Variants in WDR70 observed in about 807,000 individuals in gnomAD.
WDR70 encodes WD repeat domain 70.
A neutral mutation model predicts 88.6 loss-of-function variants in WDR70; 53 were observed. The observed-to-expected ratio is 0.60, with a 90% confidence interval of 0.48 to 0.75. The LOEUF (loss-of-function observed/expected upper bound fraction) is 0.75. WDR70 is among the 30% of genes least tolerant of loss of function. WDR70 has a pLI of 0.00. For missense variants in WDR70, 610 were observed against 823.2 expected, an observed-to-expected ratio of 0.74 and a Z score of 3.17; for synonymous variants, 280 against 270.0, an observed-to-expected ratio of 1.04 and a Z score of -0.36.
At chr5:37,383,028 A>T (rs1445002780) in intron 3 of WDR70, among the ~76,000 whole-genome samples, 1 of 152,000 alleles carries the variant, frequency 6.6e-6, no homozygotes, top group Non-Finnish European at 1.5e-5. Flanking sequence ...TAAAAAAAAT[A>T]AAATAAAATA....
At chr5:37,730,559 G>A (rs967406538) in intron 17 of WDR70, among the ~76,000 whole-genome samples, 4 of 151,976 alleles carry the variant, frequency 2.6e-5, no homozygotes, top group Admixed American at 6.6e-5. Context: ...ATAGTACTCC[G>A]TTGTACGAAT....
chr5:37,461,900 C>T (rs559320529), intron 7 of WDR70, among the ~76,000 whole-genome samples: 194 of 152,276 alleles, frequency 1.3e-3, no homozygotes, highest in African/African-American at 4.5e-3. Context: ...TTTGTGACAG[C>T]TGCTTCCATA....
chr5:37,609,274 G>T (rs1020704862), intron 10 of WDR70, among the ~76,000 whole-genome samples: 1 of 152,094 alleles, frequency 6.6e-6, no homozygotes, highest in African/African-American at 2.4e-5. Context: ...TAAAAACTAT[G>T]TTCATGTCTC....
intron 9 of WDR70, among the ~76,000 whole-genome samples, chr5:37,543,141 G>A (rs1248860410): frequency 2.0e-5 from 3 of 152,068 alleles, no homozygotes; most frequent in Non-Finnish European, 2.9e-5. Flanking sequence ...CTTATATCCC[G>A]CCAACCCCCA....
chr5:37,471,718 T>C (rs1228923083), intron 7 of WDR70, among the ~76,000 whole-genome samples: 1 of 151,986 alleles, frequency 6.6e-6, no homozygotes, highest in East Asian at 1.9e-4. Context: ...CTTCCAGAAG[T>C]TTAGATATAT....
At chr5:37,733,184 C>T (rs547172991) in intron 17 of WDR70, among the ~76,000 whole-genome samples, 1 of 152,170 alleles carries the variant, frequency 6.6e-6, no homozygotes, top group African/African-American at 2.4e-5. Flanking sequence ...TGCCTGATGC[C>T]TTGGTTCATA....
At chr5:37,618,989 T>C (rs1267148942) in intron 10 of WDR70, among the ~76,000 whole-genome samples, 1 of 152,220 alleles carries the variant, frequency 6.6e-6, no homozygotes, top group African/African-American at 2.4e-5. Context: ...AATGTAAGGC[T>C]TATTTTTTAC....
chr5:37,555,063 A>T (rs1191616054), intron 9 of WDR70, among the ~76,000 whole-genome samples: 1 of 152,146 alleles, frequency 6.6e-6, no homozygotes, highest in Non-Finnish European at 1.5e-5. Flanking sequence ...TGTGTTGTGT[A>T]CCTTACCTCT....
chr5:37,468,808 T>C (rs952977692), intron 7 of WDR70, among the ~76,000 whole-genome samples: 2 of 152,222 alleles, frequency 1.3e-5, no homozygotes, highest in African/African-American at 4.8e-5. Flanking sequence ...TTACACAATA[T>C]AGTACAATAA....
chr5:37,450,149 G>T (rs1460040562), intron 7 of WDR70, among the ~76,000 whole-genome samples: 2 of 152,120 alleles, frequency 1.3e-5, no homozygotes, highest in East Asian at 1.9e-4. Flanking sequence ...GTCTATCATT[G>T]ATGGGCATTT....
intron 8 of WDR70, chr5:37,506,241 A>T: frequency 1.1e-6 from 1 of 943,256 alleles, no homozygotes; most frequent in South Asian, 1.3e-5. Flanking sequence ...CAAAAATCGG[A>T]CAAATTCCTT....
At chr5:37,723,333 G>A (rs938687340) in intron 15 of WDR70, 8 of 190,732 alleles carry the variant, frequency 4.2e-5, no homozygotes, top group African/African-American at 1.9e-4. Context: ...AATCAGGGAA[G>A]TGTGGCGACC....
rs747648404 is a variant in WDR70 at position 37,605,154 on chromosome 5, T to C, written c.1008T>C (p.Thr336=). The part of the protein sequence containing the change: ...RTMQGKKVIP[T]TCTYSRDGNL... The stretch of plus-strand genomic sequence containing the variant: ...TGCAAGGCAAAAAAGTCATTCCCAC[T>C]ACGTGCACATATAGTAGAGATGGAA... Residue 336 remains threonine, a synonymous_variant, in exon 10 of 18, where the codon ACT becomes ACC. Transcript: ENST00000265107. The C allele has an allele frequency of 2.5e-6, 4 of 1,613,576 alleles. No homozygotes were observed. The African/African-American group carries it at 4.0e-5, about 16-fold the overall frequency.
intron 10 of WDR70, among the ~76,000 whole-genome samples, chr5:37,681,571 T>C (rs965333266): frequency 6.6e-6 from 1 of 152,214 alleles, no homozygotes; most frequent in Non-Finnish European, 1.5e-5. Flanking sequence ...GGGTTTGTCA[T>C]AGATGGCTCT....
intron 10 of WDR70, among the ~76,000 whole-genome samples, chr5:37,649,264 C>G (rs1745324973): frequency 2.0e-5 from 3 of 151,684 alleles, no homozygotes; most frequent in Non-Finnish European, 4.4e-5. Flanking sequence ...GCATCTAGAC[C>G]AAAGGATTTT....
At chr5:37,495,452 C>G (rs1740186512) in intron 8 of WDR70, among the ~76,000 whole-genome samples, 1 of 151,988 alleles carries the variant, frequency 6.6e-6, no homozygotes, top group South Asian at 2.1e-4. Flanking sequence ...ATCTCTCTCT[C>G]TCTCTCTCTC....
rs1236161552 is a variant in WDR70, at chr5:37,725,316, A to G, written c.1714+266A>G. ...CTTGGTCTCCAACTAGAGTTTTCCT[A>G]GCTGGCCTCAGGGGAACTCGGGGGC... On this transcript the variant is annotated intron_variant, in intron 16 of 17. Coordinates refer to ENST00000265107, the MANE Select transcript of WDR70 (RefSeq NM_018034.4). Among the ~76,000 whole-genome samples, 3 of 151,934 alleles carry G rather than the reference A, an allele frequency of 2.0e-5. No individual in the cohort carries two copies. The East Asian group carries it at 5.8e-4, about 29-fold the overall frequency.
intron 15 of WDR70, chr5:37,724,054 C>T (rs933948461): frequency 3.9e-5 from 6 of 152,038 alleles, no homozygotes; most frequent in African/African-American, 1.4e-4. Context: ...TCCCTTTAAC[C>T]TTTCCCTTCC....
rs1159424381 is a variant in WDR70 at position 37,534,536 on chromosome 5, C to T, written c.917+17946C>T. ...TTTTGTGACAAAAGTCTTGCTCTGT[C>T]GCCCAGGCTGGAGTGCAGAGGCACA... is the stretch of plus-strand genomic sequence containing the variant. On this transcript the variant is annotated intron_variant, in intron 9 of 17. Transcript: ENST00000265107. Among the ~76,000 whole-genome samples the T allele has an allele frequency of 5.1e-5, 7 of 137,092 alleles. No homozygotes were observed. The South Asian group carries it at 1.3e-3, about 26-fold the overall frequency. 89.9% of individuals were successfully genotyped at this position (137,092 alleles called of 152,430 possible). A position where few individuals can be genotyped will look rare whatever the true frequency, so the allele number is the denominator to read the frequency against.
Sources: gnomAD v4.1 joint callset for allele counts (sites outside exome capture counted in the v4.1 genomes callset) on GRCh38, gnomAD v4.1.1 for gene constraint, MANE v1.5 for transcripts, NCBI Gene and HGNC (gene_info 2026-07-23, HGNC 2026-07-21) for gene names.